The following OTOGL variants were observed in gnomAD, a reference collection of about 807,000 sequenced individuals.
OTOGL encodes the protein otogelin like.
In OTOGL, 285 loss-of-function variants were observed where a neutral mutation model predicts 318.5. The ratio of observed to expected loss-of-function variants is 0.89; its 90% CI spans 0.81 to 0.99. The LOEUF (loss-of-function observed/expected upper bound fraction) is 0.99, where lower values mean the gene tolerates loss of function less well. OTOGL is among the 50% of genes least tolerant of loss of function. The probability of loss-of-function intolerance (pLI) is 0.00; values close to 1 mark genes in which losing one functional copy is unlikely to be tolerated. For synonymous variants in OTOGL, 987 were observed against 936.5 expected (o/e 1.05, Z -0.99); for missense variants, 2,899 against 2,845.6 (o/e 1.02, Z -0.43).
chr12:80,352,102 A>G (rs1222317554), intron 44 of OTOGL, among the ~76,000 whole-genome samples, 193 bp from the exon 45 acceptor site: 2 of 151,438 alleles, frequency 1.3e-5, no homozygotes, highest in Non-Finnish European at 2.9e-5. Flanking sequence ...ATTAGTGCAG[A>G]TGGTATTTGT....
intron 1 of OTOGL, among the ~76,000 whole-genome samples, chr12:80,199,008 G>T (rs1170057573): frequency 6.6e-6 from 1 of 152,018 alleles, no homozygotes; most frequent in Non-Finnish European, 1.5e-5. Flanking sequence ...ATATTTATGT[G>T]CAATATATTT....
chr12:80,269,451 T>C (rs769598389), intron 22 of OTOGL, among the ~76,000 whole-genome samples: 2 of 152,040 alleles, frequency 1.3e-5, no homozygotes, highest in Non-Finnish European at 2.9e-5. Flanking sequence ...CCATATCACT[T>C]TTCTGCTTAG....
At chr12:80,263,723 G>A (rs1415413901) in intron 19 of OTOGL, among the ~76,000 whole-genome samples, 2 of 151,778 alleles carry the variant, frequency 1.3e-5, no homozygotes, top group African/African-American at 4.8e-5. Flanking sequence ...GTAAATTCAG[G>A]AAGATCCTCA....
chr12:80,353,474 C>A lies in OTOGL; in HGVS notation c.5557C>A (p.Pro1853Thr), dbSNP rs372326020. 1.9e-4 allele frequency: 296 copies of A among 1,598,362 alleles called. No individual in the cohort carries two copies. The highest frequency in any genetic ancestry group is 2.5e-4 in the Non-Finnish European group (288 of 1,171,960). Reference protein sequence around the residue: ...VCKVGTILHRPHSAQCIPEKE... With the variant: ...VCKVGTILHRTHSAQCIPEKE... The stretch of plus-strand genomic sequence containing the variant: ...CAAAGTTGGAACTATTCTTCACAGG[C>A]CACATTCAGCCCAGTGCATTCCAGA... Residue 1853 changes from proline (P) to threonine (T), a missense_variant, in exon 46 of 59, where the codon CCA (proline) becomes ACA (threonine). This residue lies in a region of OTOGL where 2,607 missense variants were observed against 2,524.9 expected (regional missense o/e 1.03). Coordinates refer to ENST00000547103, the MANE Select transcript of OTOGL (RefSeq NM_001378609.3).
At chr12:80,236,736 AAGC>A (rs1879881379) in intron 9 of OTOGL, among the ~76,000 whole-genome samples, 1 of 152,124 alleles carries the variant, frequency 6.6e-6, no homozygotes, top group Admixed American at 6.5e-5. Context: ...ATCAGAGACA[AAGC>A]AGCAGGCCAG....
intron 43 of OTOGL, among the ~76,000 whole-genome samples, chr12:80,341,275 G>T (rs1164367646): frequency 6.6e-6 from 1 of 152,086 alleles, no homozygotes; most frequent in Non-Finnish European, 1.5e-5. Flanking sequence ...CCCAAGGAAG[G>T]GAAATTGCCT....
At chr12:80,127,197 G>A (rs1165570361) in intron 1 of OTOGL, among the ~76,000 whole-genome samples, 1 of 152,148 alleles carries the variant, frequency 6.6e-6, no homozygotes, top group Non-Finnish European at 1.5e-5. Context: ...TCCTTTCCAT[G>A]TTTAGTGCTT....
At chr12:80,329,410 T>C (rs1423712439) in intron 37 of OTOGL, among the ~76,000 whole-genome samples, 4 of 152,338 alleles carry the variant, frequency 2.6e-5, no homozygotes, top group Non-Finnish European at 4.4e-5. Context: ...GCTTCTGCAT[T>C]TGGTCCACCT....
At position 80,130,195 on chromosome 12, in the gene OTOGL, C is replaced by T. The variant is rs567106045; in HGVS notation, c.-20+30590C>T. Among the ~76,000 whole-genome samples the T allele has an allele frequency of 1.5e-4, 23 of 152,270 alleles. No homozygotes were observed. The South Asian group carries it at 4.8e-3, about 32-fold the overall frequency. ...AACAATTTTTATTGAACAAGTCATT[C>T]CATCATGCCCTGTGTTTGGAAGAGG... On this transcript the variant is annotated intron_variant, in intron 1 of 58. Coordinates refer to ENST00000547103, the MANE Select transcript of OTOGL (RefSeq NM_001378609.3).
chr12:80,339,689 C>T (rs1448448054), intron 43 of OTOGL, among the ~76,000 whole-genome samples: 1 of 151,784 alleles, frequency 6.6e-6, no homozygotes, highest in Admixed American at 6.6e-5. Flanking sequence ...TCTTTGTTTC[C>T]TCTTAATTTT....
chr12:80,244,204 T>A (rs1366831490), intron 11 of OTOGL, among the ~76,000 whole-genome samples: 119 of 151,242 alleles, frequency 7.9e-4, no homozygotes, highest in African/African-American at 2.9e-3. Context: ...AGTTTTAGGG[T>A]ACATGTGCAC....
At chr12:80,181,230 T>C (rs1370755563) in intron 1 of OTOGL, among the ~76,000 whole-genome samples, 6 of 152,192 alleles carry the variant, frequency 3.9e-5, no homozygotes, top group Non-Finnish European at 5.9e-5. Flanking sequence ...TTATTTTAGT[T>C]TGGGGCTTCA....
At chr12:80,279,216 T>C (rs1884035711) in intron 26 of OTOGL, 50 bp downstream of exon 26, 1 of 1,508,940 alleles carries the variant, frequency 6.6e-7, no homozygotes, top group Non-Finnish European at 8.9e-7. Context: ...AGATTTAATG[T>C]AAAAAACAAG....
chr12:80,218,684 T>C (rs1877973818), intron 5 of OTOGL, among the ~76,000 whole-genome samples: 1 of 152,000 alleles, frequency 6.6e-6, no homozygotes, highest in Non-Finnish European at 1.5e-5. Flanking sequence ...GTTGGAACAA[T>C]TTTATAACTT....
rs754997661 is a variant in OTOGL, at chr12:80,266,489, T to C, written c.2263T>C (p.Ser755Pro). 6.2e-7 allele frequency: 1 copy of C among 1,613,646 alleles called. No homozygotes were observed. Among genetic ancestry groups the C allele is most frequent in the Non-Finnish European group, 8.5e-7 (1 of 1,179,756 alleles). The stretch of plus-strand genomic sequence containing the variant: ...GAAGGGCATGCTGTACCATCACTGT[T>C]CCTCGTTCTGCCTCCATTCCTGCAT... The part of the protein sequence containing the change: ...CQKGMLYHHC[S>P]SFCLHSCISL... The change falls in exon 21 of 59, where the codon TCC (serine) becomes CCC (proline). Residue 755 changes from serine to proline, a missense_variant. Physicochemically the swap from Ser to Pro is moderately conservative, Grantham distance 74. Transcript: ENST00000547103.
At chr12:80,103,212 TTC>T in intron 1 of OTOGL, 1 of 1,434,522 alleles carries the variant, frequency 7.0e-7, no homozygotes, top group South Asian at 1.1e-5. Context: ...CTCGTTGTAC[TTC>T]TGTCTCAGCT....
At chr12:80,207,269 T>C (rs1876879527) in intron 1 of OTOGL, among the ~76,000 whole-genome samples, 1 of 152,210 alleles carries the variant, frequency 6.6e-6, no homozygotes, top group South Asian at 2.1e-4. Flanking sequence ...TGGCACGATC[T>C]CTGCTCACCA....
chr12:80,294,800 A>G (rs1169857773), intron 26 of OTOGL, among the ~76,000 whole-genome samples: 2 of 152,140 alleles, frequency 1.3e-5, no homozygotes, highest in Non-Finnish European at 2.9e-5. Flanking sequence ...CAAGACCTCT[A>G]TGATCATTAG....
chr12:80,268,084 C>A (rs1169857972), intron 22 of OTOGL, among the ~76,000 whole-genome samples: 1 of 152,092 alleles, frequency 6.6e-6, no homozygotes, highest in Non-Finnish European at 1.5e-5. Flanking sequence ...TAGGATAACA[C>A]TCATTCTGGT....
Sources: gnomAD v4.1 joint callset for allele counts (sites outside exome capture counted in the v4.1 genomes callset) on GRCh38, gnomAD v4.1.1 for gene constraint, gnomAD v4.1.1 regional missense constraint, MANE v1.5 for transcripts, NCBI Gene and HGNC (gene_info 2026-07-23, HGNC 2026-07-21) for gene names.